Variants in TENM4 observed in about 807,000 individuals in gnomAD.
TENM4 encodes teneurin transmembrane protein 4, also known as teneurin-4.
A neutral mutation model predicts 243.3 loss-of-function variants in TENM4; 82 were observed. The ratio of observed to expected loss-of-function variants is 0.34; its 90% CI spans 0.28 to 0.40. The LOEUF (loss-of-function observed/expected upper bound fraction) is 0.40. TENM4 is among the 10% of genes least tolerant of loss of function. The probability of loss-of-function intolerance (pLI) is 1.00; values close to 1 mark genes in which losing one functional copy is unlikely to be tolerated. For synonymous variants in TENM4, 1,412 were observed against 1,456.3 expected (o/e 0.97, Z 0.69); for missense variants, 3,138 against 3,673.3 (o/e 0.85, Z 3.77).
At chr11:78,881,864 G>A (rs1855439096) in intron 9 of TENM4, among the ~76,000 whole-genome samples, 1 of 152,118 alleles carries the variant, frequency 6.6e-6, no homozygotes, top group Admixed American at 6.5e-5. Context: ...TTCCTTTTAG[G>A]GATCTGGAAG....
At chr11:79,016,072 G>A (rs190769460) in intron 6 of TENM4, among the ~76,000 whole-genome samples, 1 of 152,320 alleles carries the variant, frequency 6.6e-6, no homozygotes, top group African/African-American at 2.4e-5. Context: ...TAGGAAGTGA[G>A]CTAGAGTGGA....
intron 1 of TENM4, among the ~76,000 whole-genome samples, chr11:79,318,610 A>T (rs766639110): frequency 7.9e-5 from 12 of 152,124 alleles, no homozygotes; most frequent in Non-Finnish European, 1.8e-4. Context: ...ATCATATAGC[A>T]TTTCCACCTA....
chr11:79,178,896 C>T (rs1863226584), intron 3 of TENM4, among the ~76,000 whole-genome samples: 2 of 152,162 alleles, frequency 1.3e-5, no homozygotes, highest in South Asian at 4.1e-4. Context: ...TAGAAATGAT[C>T]CAGTCTTTTC....
At chr11:78,997,863 A>G (rs1858215570) in intron 6 of TENM4, among the ~76,000 whole-genome samples, 1 of 152,204 alleles carries the variant, frequency 6.6e-6, no homozygotes, top group Non-Finnish European at 1.5e-5. Context: ...AGATGAAGTA[A>G]TGAAGGTGGG....
At chr11:79,239,041 A>AAACAAACC (rs1864537624) in intron 2 of TENM4, among the ~76,000 whole-genome samples, 1 of 152,050 alleles carries the variant, frequency 6.6e-6, no homozygotes, top group African/African-American at 2.4e-5. Flanking sequence ...ACAAACAAAC[A>AAACAAACC]AACACGCAAA....
chr11:78,765,485 A>G (rs867824424), intron 18 of TENM4, among the ~76,000 whole-genome samples: 2 of 152,230 alleles, frequency 1.3e-5, no homozygotes, highest in African/African-American at 2.4e-5. Context: ...TAGGTTGCAT[A>G]TATCAATTAT....
chr11:79,179,977 G>A (rs1052424553), intron 3 of TENM4, among the ~76,000 whole-genome samples: 19 of 151,624 alleles, frequency 1.3e-4, no homozygotes, highest in Non-Finnish European at 1.9e-4. Context: ...GTGAGAAAAC[G>A]GTAGCTTTGG....
At chr11:78,855,280 A>G (rs1005770170) in intron 11 of TENM4, among the ~76,000 whole-genome samples, 2 of 152,232 alleles carry the variant, frequency 1.3e-5, no homozygotes, top group Admixed American at 1.3e-4. Context: ...GGAATGCCTG[A>G]TGAATGCCTA....
intron 6 of TENM4, among the ~76,000 whole-genome samples, chr11:79,043,545 T>A (rs1160222058): frequency 6.6e-6 from 1 of 152,136 alleles, no homozygotes; most frequent in Non-Finnish European, 1.5e-5. Flanking sequence ...AGAAATAAAC[T>A]CTGTTAAGCC....
chr11:78,933,681 G>A (rs572307584), intron 6 of TENM4, among the ~76,000 whole-genome samples: 8 of 152,154 alleles, frequency 5.3e-5, no homozygotes, highest in Admixed American at 2.0e-4. Flanking sequence ...GTTCACTCTG[G>A]GGAGGCAGTG....
intron 6 of TENM4, chr11:79,014,604 T>C (rs1370570917): frequency 6.6e-6 from 1 of 152,262 alleles, no homozygotes; most frequent in Non-Finnish European, 1.5e-5. Context: ...ATGGTCTTCA[T>C]GCACAGAGGC....
intron 6 of TENM4, among the ~76,000 whole-genome samples, chr11:79,027,448 G>A (rs371361457): frequency 1.3e-5 from 2 of 152,328 alleles, no homozygotes; most frequent in African/African-American, 4.8e-5. Context: ...AAGTCTAGTA[G>A]TTTTTGGCTG....
chr11:79,261,331 G>A (rs930368014), intron 2 of TENM4, among the ~76,000 whole-genome samples: 2 of 152,178 alleles, frequency 1.3e-5, no homozygotes, highest in African/African-American at 2.4e-5. Context: ...CCACAAACCT[G>A]TACCAAACCC....
intron 1 of TENM4, among the ~76,000 whole-genome samples, chr11:79,384,924 T>C (rs926422168): frequency 6.4e-5 from 2 of 31,140 alleles, no homozygotes; most frequent in Admixed American, 5.3e-4. Flanking sequence ...AGACTCCGTC[T>C]CAAAAAATAA....
intron 2 of TENM4, among the ~76,000 whole-genome samples, chr11:79,284,761 A>T (rs1407805915): frequency 6.6e-6 from 1 of 152,234 alleles, no homozygotes; most frequent in African/African-American, 2.4e-5. Context: ...GAGTAAAAAG[A>T]TAACTCACAG....
chr11:79,369,572 T>A (rs1857743347), intron 1 of TENM4, among the ~76,000 whole-genome samples: 1 of 152,202 alleles, frequency 6.6e-6, no homozygotes, highest in African/African-American at 2.4e-5. Context: ...CCTCATTCTC[T>A]GCCAGATTTA....
chr11:79,171,292 T>A (rs1196125244), intron 3 of TENM4, among the ~76,000 whole-genome samples: 1 of 152,202 alleles, frequency 6.6e-6, no homozygotes, highest in Non-Finnish European at 1.5e-5. Context: ...TGCTAATGCC[T>A]CTGTGGGCAC....
At chr11:79,076,828 T>C (rs750036685) in intron 4 of TENM4, among the ~76,000 whole-genome samples, 47 of 152,202 alleles carry the variant, frequency 3.1e-4, no homozygotes, top group Admixed American at 9.2e-4. Flanking sequence ...TGCTTGGTAC[T>C]GTGTAAATTA....
chr11:79,066,457 T>C (rs1015219340), intron 5 of TENM4, among the ~76,000 whole-genome samples: 4 of 136,912 alleles, frequency 2.9e-5, no homozygotes, highest in Non-Finnish European at 6.8e-5. Context: ...GATAAACTTG[T>C]GCTCCCCTGG....
Sources: gnomAD v4.1 joint callset for allele counts (sites outside exome capture counted in the v4.1 genomes callset) on GRCh38, gnomAD v4.1.1 for gene constraint, MANE v1.5 for transcripts, NCBI Gene and HGNC (gene_info 2026-07-23, HGNC 2026-07-21) for gene names.